BRD3: variants seen among roughly 807,000 people sequenced by gnomAD.
BRD3 encodes the protein bromodomain-containing protein 3.
Under a neutral mutation model 66.8 loss-of-function variants are expected in BRD3, and 17 were observed. The observed-to-expected ratio is 0.25, with a 90% CI of 0.17 to 0.38. BRD3 has a LOEUF of 0.38. BRD3 is among the 10% of genes least tolerant of loss of function. The pLI is 1.00. For missense variants in BRD3, 713 were observed against 956.1 expected (o/e 0.75, Z 3.35); for synonymous variants, 421 against 393.2 (o/e 1.07, Z -0.84).
At chr9:134,046,728 G>A (rs528541556) in intron 6 of BRD3, among the ~76,000 whole-genome samples, 12 of 152,212 alleles carry the variant, frequency 7.9e-5, no homozygotes, top group Non-Finnish European at 1.2e-4. Context: ...GGCCACAGTC[G>A]CGGGCAGCAA....
chr9:134,053,700 G>T, intron 1 of BRD3, 110 bp from the exon 2 acceptor site: 1 of 1,000,958 alleles, frequency 1.0e-6, no homozygotes, highest in Non-Finnish European at 1.4e-6. Flanking sequence ...AGCAGGGCCT[G>T]CTCCACTCAC....
intron 1 of BRD3, among the ~76,000 whole-genome samples, chr9:134,065,231 T>C (rs1830625889): frequency 6.6e-6 from 1 of 152,206 alleles, no homozygotes; most frequent in Admixed American, 6.5e-5. Flanking sequence ...GAGACCAGCC[T>C]GTCCAACACA....
At chr9:134,049,644 G>A (rs115176847) in intron 5 of BRD3, among the ~76,000 whole-genome samples, 1,936 of 152,358 alleles carry the variant, frequency 0.013, 30 homozygotes, top group African/African-American at 0.031. Flanking sequence ...TGAAGGCCAC[G>A]GGGAGGGGAA....
At chr9:134,035,668 A>C (rs1416923678) in intron 10 of BRD3, among the ~76,000 whole-genome samples, 1 of 152,220 alleles carries the variant, frequency 6.6e-6, no homozygotes, top group African/African-American at 2.4e-5. Context: ...GAGCCTCAGG[A>C]AGGCATGCAG....
chr9:134,052,126 CAA>C (rs1306753470), intron 3 of BRD3, among the ~76,000 whole-genome samples, 178 bp downstream of exon 3: 1 of 152,084 alleles, frequency 6.6e-6, no homozygotes, highest in Non-Finnish European at 1.5e-5. Context: ...CTCCTGAGCT[CAA>C]GTGATCCGCC....
chr9:134,038,096 A>G (rs1282660303), intron 9 of BRD3, among the ~76,000 whole-genome samples: 4 of 152,230 alleles, frequency 2.6e-5, no homozygotes, highest in African/African-American at 4.8e-5. Context: ...TTAAGTATTA[A>G]TATCAATTCT....
chr9:134,052,426 A>G lies in BRD3; in HGVS notation c.231T>C (p.Ile77=). The change falls in exon 3 of 12, where the codon ATT becomes ATC. Residue 77 remains isoleucine, a synonymous_variant. Coordinates refer to ENST00000303407, the MANE Select transcript of BRD3 (RefSeq NM_007371.4). ...KLNLPDYHKI[I]KNPMDMGTIK... ...TAGTCCCCATATCCATTGGGTTTTT[A>G]ATTATTTTATGATAATCCTAGGAAA... 6.2e-7 allele frequency: 1 copy of G among 1,606,052 alleles called. No individual in the cohort carries two copies. Among genetic ancestry groups the G allele is most frequent in the Non-Finnish European group, 8.5e-7 (1 of 1,177,668 alleles).
chr9:134,032,842 T>C lies in BRD3; in HGVS notation c.*748A>G, dbSNP rs77010287. 4.7e-6 allele frequency: 1 copy of C among 214,366 alleles called. No individual in the cohort carries two copies. Among genetic ancestry groups the C allele is most frequent in the Non-Finnish European group, 8.2e-6 (1 of 122,072 alleles). 13.3% of individuals were successfully genotyped at this position (214,366 alleles called of 1,614,324 possible). The stretch of plus-strand genomic sequence containing the variant: ...CCGAACCTTACAAAAAAAGTCTCCT[T>C]TTTTTTTTTTTTTAAATCTTTTCTT... On this transcript the variant is annotated 3_prime_UTR_variant, in exon 12 of 12. Transcript: ENST00000303407.
At position 134,048,305 on chromosome 9, in the gene BRD3, A is replaced by G. The variant is rs1263539724; in HGVS notation, c.864T>C (p.Pro288=). The change falls in exon 6 of 12, where the codon CCT becomes CCC. Residue 288 remains proline, a synonymous_variant. Coordinates refer to ENST00000303407, the MANE Select transcript of BRD3 (RefSeq NM_007371.4). ...RRESGGRPIK[P]PKKDLEDGEV... ...CGCCGTCCTCCAGGTCCTTCTTGGG[A>G]GGCTTGATGGGGCGGCCACCACTCT... 1.9e-6 allele frequency: 3 copies of G among 1,602,518 alleles called. No individual in the cohort carries two copies. Among genetic ancestry groups the G allele is most frequent in the Non-Finnish European group, 2.5e-6 (3 of 1,178,550 alleles).
chr9:134,036,974 G>A (rs1489438801), intron 9 of BRD3, among the ~76,000 whole-genome samples: 1 of 152,024 alleles, frequency 6.6e-6, no homozygotes, highest in African/African-American at 2.4e-5. Flanking sequence ...TCTTGTCCCT[G>A]CACTCCAGCC....
intron 8 of BRD3, 28 bp from the exon 9 acceptor site, chr9:134,040,297 T>A (rs777741285): frequency 6.3e-7 from 1 of 1,577,464 alleles, no homozygotes; most frequent in South Asian, 1.2e-5. Context: ...GCTGAGCAGG[T>A]GCTGGGCACG....
At chr9:134,066,454 C>T (rs536203379) in intron 1 of BRD3, among the ~76,000 whole-genome samples, 1 of 152,242 alleles carries the variant, frequency 6.6e-6, no homozygotes, top group African/African-American at 2.4e-5. Flanking sequence ...GGGTTCAGAC[C>T]TTCCTTAGAC....
At chr9:134,039,778 A>G (rs529473111) in intron 9 of BRD3, among the ~76,000 whole-genome samples, 44 of 152,358 alleles carry the variant, frequency 2.9e-4, no homozygotes, top group African/African-American at 1.0e-3. Context: ...CAAAAGCTTC[A>G]TGATGTGGAG....
At chr9:134,067,727 C>A (rs1254443570) in intron 1 of BRD3, among the ~76,000 whole-genome samples, 35 of 144,638 alleles carry the variant, frequency 2.4e-4, no homozygotes, top group Middle Eastern at 3.2e-3. Flanking sequence ...CCGCCGCCGC[C>A]ACCGCCGCCG....
chr9:134,048,407 C>T lies in BRD3; in HGVS notation c.762G>A (p.Ser254=), dbSNP rs141086928. The change falls in exon 6 of 12, where the codon TCG becomes TCA. Residue 254 remains serine, a synonymous_variant. Coordinates refer to ENST00000303407, the MANE Select transcript of BRD3 (RefSeq NM_007371.4). ...ACTCACTCCGGCTGGCAGTGATGGC[C>T]GACGTCGTGGGAGTGGTTGTGTCTG... is the stretch of plus-strand genomic sequence containing the variant. ...RKADTTTPTT[S]AITASRSESP... The T allele has an allele frequency of 1.9e-6, 3 of 1,598,560 alleles. No individual in the cohort carries two copies. The highest frequency in any genetic ancestry group is 4.5e-5 in the East Asian group (2 of 44,876).
At chr9:134,047,344 G>A (rs1830193455) in intron 6 of BRD3, among the ~76,000 whole-genome samples, 1 of 152,212 alleles carries the variant, frequency 6.6e-6, no homozygotes, top group African/African-American at 2.4e-5. Flanking sequence ...GCACGTCCCT[G>A]GGAGCTGGCT....
At chr9:134,063,451 C>T (rs1167889382) in intron 1 of BRD3, among the ~76,000 whole-genome samples, 9 of 152,324 alleles carry the variant, frequency 5.9e-5, no homozygotes, top group Admixed American at 1.3e-4. Context: ...GCACATTTTG[C>T]TCCTTGTGGG....
rs1451944580 is a variant in BRD3, at chr9:134,053,417, G to C, written c.61C>G (p.Pro21Ala). The change falls in exon 2 of 12, where the codon CCA (proline) becomes GCA (alanine). Residue 21 changes from proline to alanine, a missense_variant. By Grantham distance (27) the Pro-to-Ala change is conservative. Coordinates refer to ENST00000303407, the MANE Select transcript of BRD3 (RefSeq NM_007371.4). ...GIPATPGPVN[P>A]PPPEVSNPSK... is the part of the protein sequence containing the mutation. ...GGGTTGGAGACCTCCGGGGGGGGTGGGTTCACAGGGCCCGGGGTCGCCGGG... is the reference window on the plus strand; with the variant it reads ...GGGTTGGAGACCTCCGGGGGGGGTGCGTTCACAGGGCCCGGGGTCGCCGGG... The C allele has an allele frequency of 6.2e-7, 1 of 1,612,378 alleles. No individual in the cohort carries two copies. The highest frequency in any genetic ancestry group is 8.5e-7 in the Non-Finnish European group (1 of 1,179,892).
chr9:134,041,891 G>A lies in BRD3; in HGVS notation c.1276C>T (p.Pro426Ser), dbSNP rs1830057762. ...CTCACCATGGGGGCCGCGGGGGCAG[G>A]CAGCGCCGGTGCCTCCACGGGCTCA... Reference protein sequence around the residue: ...PDEPVEAPALPAPAAPMVSKG... With the variant: ...PDEPVEAPALSAPAAPMVSKG... The change falls in exon 8 of 12, where the codon CCT becomes TCT. Residue 426 changes from proline (P) to serine (S), a missense_variant. By Grantham distance (74) the Pro-to-Ser change is moderately conservative. Transcript: ENST00000303407. 1 of 1,610,954 alleles carries A rather than the reference G, an allele frequency of 6.2e-7. No homozygotes were observed. The highest frequency in any genetic ancestry group is 2.2e-5 in the East Asian group (1 of 44,802).
Sources: gnomAD v4.1 joint callset for allele counts (sites outside exome capture counted in the v4.1 genomes callset) on GRCh38, gnomAD v4.1.1 for gene constraint, MANE v1.5 for transcripts, NCBI Gene and HGNC (gene_info 2026-07-23, HGNC 2026-07-21) for gene names.